The following CCDC88A variants were observed in gnomAD, a reference collection of about 807,000 sequenced individuals.
CCDC88A encodes the protein coiled-coil and HOOK domain protein 88A, also known as girdin.
In CCDC88A, 54 loss-of-function variants were observed where a neutral mutation model predicts 234.3. The observed-to-expected ratio is 0.23, with a 90% confidence interval of 0.19 to 0.29. CCDC88A has a LOEUF of 0.29. Ranked by LOEUF, CCDC88A falls within the 10% of genes least tolerant of loss-of-function variation. The pLI is 1.00. For synonymous variants in CCDC88A, 753 were observed against 737.8 expected, an observed-to-expected ratio of 1.02 and a Z score of -0.33; for missense variants, 1,832 against 2,123.4, an observed-to-expected ratio of 0.86 and a Z score of 2.70.
intron 2 of CCDC88A, among the ~76,000 whole-genome samples, chr2:55,401,447 A>AAAAAAAAAAAAAAAAAAT (rs1334606165): frequency 3.7e-5 from 1 of 27,158 alleles, no homozygotes; most frequent in Non-Finnish European, 1.1e-4. Flanking sequence ...AAAAAAAAAA[A>AAAAAAAAAAAAAAAAAAT]ATATATATAT....
intron 5 of CCDC88A, among the ~76,000 whole-genome samples, chr2:55,365,836 A>T (rs1671863120): frequency 6.6e-6 from 1 of 152,242 alleles, no homozygotes; most frequent in African/African-American, 2.4e-5. Flanking sequence ...CTGAATAATC[A>T]GATCAAATTT....
chr2:55,312,384 A>G (rs781468707), intron 23 of CCDC88A, 50 bp downstream of exon 23: 9 of 1,549,238 alleles, frequency 5.8e-6, no homozygotes, highest in Admixed American at 1.7e-5. Context: ...TATGGCAATG[A>G]TAAAATCATG....
At chr2:55,350,497 T>G (rs1189251627) in intron 8 of CCDC88A, 1 of 151,856 alleles carries the variant, frequency 6.6e-6, no homozygotes, top group Non-Finnish European at 1.5e-5. Flanking sequence ...CCACTTACTA[T>G]CTCTACTTTT....
chr2:55,311,031 C>T (rs1438223614), intron 23 of CCDC88A, among the ~76,000 whole-genome samples: 1 of 152,264 alleles, frequency 6.6e-6, no homozygotes, highest in African/African-American at 2.4e-5. Context: ...CTTTGGAAGT[C>T]AACTATCTAG....
chr2:55,353,581 T>G (rs1014085922), intron 8 of CCDC88A, among the ~76,000 whole-genome samples: 7 of 151,268 alleles, frequency 4.6e-5, no homozygotes, highest in African/African-American at 1.5e-4. Context: ...GTAAATAAAT[T>G]TAATTGCTAC....
intron 9 of CCDC88A, among the ~76,000 whole-genome samples, chr2:55,347,525 T>C (rs1436372759): frequency 6.6e-6 from 1 of 151,786 alleles, no homozygotes; most frequent in Non-Finnish European, 1.5e-5. Context: ...AAATGTAAAA[T>C]AGTACCATTC....
At position 55,419,776 on chromosome 2, in the gene CCDC88A, A is replaced by C. The variant is rs1682014704; in HGVS notation, c.-697T>G. 1 of 152,076 alleles carries C rather than the reference A, an allele frequency of 6.6e-6. No homozygotes were observed. Among genetic ancestry groups the C allele is most frequent in the South Asian group, 2.1e-4 (1 of 4,828 alleles). The allele number at this position is 152,076 out of a possible 1,614,324, so 9.4% of individuals were successfully genotyped here. A position where few individuals can be genotyped will look rare whatever the true frequency, so the allele number is the denominator to read the frequency against. On this transcript the variant is annotated 5_prime_UTR_variant, in exon 1 of 33. Transcript: ENST00000436346. ...GCTTCCTAAGCCCTGCCAGCCTTTC[A>C]GCGCGTCTCTGGGAATCCCTGGCAC...
intron 7 of CCDC88A, among the ~76,000 whole-genome samples, chr2:55,359,803 G>C (rs913972946): frequency 2.6e-5 from 4 of 151,620 alleles, no homozygotes; most frequent in African/African-American, 9.7e-5. Context: ...CAAAAACCAG[G>C]TGTTTCTTAA....
At chr2:55,321,131 A>AG (rs1021597635) in intron 18 of CCDC88A, 16 of 151,660 alleles carry the variant, frequency 1.1e-4, no homozygotes, top group Non-Finnish European at 2.2e-4. Flanking sequence ...AAAAAAAAAA[A>AG]AGATAATAGA....
chr2:55,321,900 A>G (rs1407264850), intron 18 of CCDC88A, among the ~76,000 whole-genome samples: 1 of 138,192 alleles, frequency 7.2e-6, no homozygotes, highest in Non-Finnish European at 1.5e-5. Context: ...TTTTTAATTA[A>G]AGGTACTATT....
chr2:55,378,726 TA>T (rs1465487403), intron 3 of CCDC88A, among the ~76,000 whole-genome samples: 3 of 152,098 alleles, frequency 2.0e-5, no homozygotes, highest in Non-Finnish European at 4.4e-5. Context: ...GAGGATTTTT[TA>T]TACACATATA....
intron 5 of CCDC88A, among the ~76,000 whole-genome samples, chr2:55,367,236 C>T (rs1157768473): frequency 4.6e-5 from 7 of 151,898 alleles, no homozygotes; most frequent in African/African-American, 1.7e-4. Flanking sequence ...TGGTGGTTAC[C>T]GAGGTCTGGT....
At chr2:55,306,481 A>G (rs1681582635) in intron 25 of CCDC88A, among the ~76,000 whole-genome samples, 1 of 152,104 alleles carries the variant, frequency 6.6e-6, no homozygotes, top group Non-Finnish European at 1.5e-5. Context: ...ATGTACATAT[A>G]TATACCTGTG....
At chr2:55,375,395 GTGCTCTTTTTC>G in intron 3 of CCDC88A, among the ~76,000 whole-genome samples, 1 of 150,156 alleles carries the variant, frequency 6.7e-6, no homozygotes, top group Admixed American at 6.6e-5. Context: ...TCGAGCATGT[GTGCTCTTTTTC>G]TTCTTGTTAG....
At chr2:55,367,897 G>A (rs1672258879) in intron 5 of CCDC88A, among the ~76,000 whole-genome samples, 1 of 151,932 alleles carries the variant, frequency 6.6e-6, no homozygotes, top group South Asian at 2.1e-4. Flanking sequence ...ACCCAACCTG[G>A]CCAAAGTCCA....
intron 2 of CCDC88A, among the ~76,000 whole-genome samples, chr2:55,393,030 G>A (rs1434402982): frequency 2.6e-5 from 4 of 151,462 alleles, no homozygotes; most frequent in Admixed American, 6.6e-5. Flanking sequence ...TATCATTTTA[G>A]GATATTTATA....
chr2:55,322,925 T>C (rs775827372), intron 17 of CCDC88A: 5 of 317,612 alleles, frequency 1.6e-5, no homozygotes, highest in Non-Finnish European at 2.8e-5. Flanking sequence ...ATCCTATCGT[T>C]TGTCGTGCAA....
chr2:55,308,081 A>G (rs1409956541), intron 25 of CCDC88A: 2 of 148,878 alleles, frequency 1.3e-5, no homozygotes, highest in Non-Finnish European at 2.9e-5. Flanking sequence ...GATTACAGGC[A>G]TGAGCCACCA....
In CCDC88A at chr2:55,312,587, A is replaced by G. The variant is rs764019181; in HGVS notation, c.3934-8T>C. 24 of 1,592,904 alleles carry G rather than the reference A, an allele frequency of 1.5e-5. No homozygotes were observed. Among genetic ancestry groups the G allele is most frequent in the Non-Finnish European group, 2.1e-5 (24 of 1,167,486 alleles). On this transcript the variant is annotated splice_polypyrimidine_tract_variant and splice_region_variant and intron_variant, in intron 22 of 32. Transcript: ENST00000436346. The stretch of plus-strand genomic sequence containing the variant: ...TTTAAGTTGGCTTAGCAACTGTTTA[A>G]ACACAAACATTTTTTAAAAAATCAA...
Sources: gnomAD v4.1 joint callset for allele counts (sites outside exome capture counted in the v4.1 genomes callset) on GRCh38, gnomAD v4.1.1 for gene constraint, MANE v1.5 for transcripts, NCBI Gene and HGNC (gene_info 2026-07-23, HGNC 2026-07-21) for gene names.